RPRD1A: variants seen among roughly 807,000 people sequenced by gnomAD.
The protein encoded by RPRD1A is regulation of nuclear pre-mRNA domain-containing protein 1A.
In RPRD1A, 9 loss-of-function variants were observed where a neutral mutation model predicts 37.8. The ratio of observed to expected loss-of-function variants is 0.24; its 90% confidence interval spans 0.14 to 0.42. The LOEUF (loss-of-function observed/expected upper bound fraction) is 0.42. Ranked by LOEUF, RPRD1A falls within the 10% of genes least tolerant of loss-of-function variation. RPRD1A has a pLI of 1.00. For synonymous variants in RPRD1A, 138 were observed against 139.7 expected, an observed-to-expected ratio of 0.99 and a Z score of 0.08; for missense variants, 255 against 371.0, an observed-to-expected ratio of 0.69 and a Z score of 2.57.
Position 35,992,395 on chromosome 18 carries a change from C to T in RPRD1A, c.*756G>A, listed in dbSNP as rs1269925279. On this transcript the variant is annotated 3_prime_UTR_variant, in exon 7 of 7. Transcript: ENST00000399022. Reference sequence around the variant, plus strand: ...AAACCAGTTCCAGAACCAAAGTTGTCCTCTTGGTAGAATGTCAAAATGTAT... The same window carrying T: ...AAACCAGTTCCAGAACCAAAGTTGTTCTCTTGGTAGAATGTCAAAATGTAT... 6.6e-6 allele frequency: 1 copy of T among 152,120 alleles called. No homozygotes were observed. The highest frequency in any genetic ancestry group is 1.5e-5 in the Non-Finnish European group (1 of 68,014). 9.4% of individuals were successfully genotyped at this position (152,120 alleles called of 1,614,324 possible).
At chr18:36,042,145 C>G (rs1185652436) in intron 1 of RPRD1A, among the ~76,000 whole-genome samples, 1 of 152,160 alleles carries the variant, frequency 6.6e-6, no homozygotes, top group Non-Finnish European at 1.5e-5. Flanking sequence ...TCCAAGTTCC[C>G]CAACTCCTAC....
In RPRD1A at chr18:35,989,935, T is replaced by C. The variant is rs1908626935; in HGVS notation, c.*3216A>G. ...GGAAAGTTCATCTTCCCATGTGCTA[T>C]TGCCACCTCAGAACAGACTCCTGTG... On this transcript the variant is annotated 3_prime_UTR_variant, in exon 7 of 7. Transcript: ENST00000399022. The C allele has an allele frequency of 6.6e-6, 1 of 152,232 alleles. No individual in the cohort carries two copies. The highest frequency in any genetic ancestry group is 6.5e-5 in the Admixed American group (1 of 15,282). The allele number at this position is 152,232 out of a possible 1,614,324, so 9.4% of individuals were successfully genotyped here. A position where few individuals can be genotyped will look rare whatever the true frequency, so the allele number is the denominator to read the frequency against.
intron 6 of RPRD1A, among the ~76,000 whole-genome samples, chr18:36,015,698 C>T (rs1004603744): frequency 6.6e-6 from 1 of 152,134 alleles, no homozygotes; most frequent in Admixed American, 6.5e-5. Context: ...GGGCATTATG[C>T]TAAAGAAATA....
intron 1 of RPRD1A, among the ~76,000 whole-genome samples, chr18:36,050,523 C>T (rs1720584918): frequency 6.6e-6 from 1 of 150,658 alleles, no homozygotes; most frequent in South Asian, 2.1e-4. Context: ...CCAGAATATA[C>T]ATAAAAAAAA....
At chr18:36,040,638 T>C (rs1415096130) in intron 1 of RPRD1A, among the ~76,000 whole-genome samples, 1 of 152,126 alleles carries the variant, frequency 6.6e-6, no homozygotes, top group East Asian at 1.9e-4. Flanking sequence ...AATACTGCAA[T>C]AGGCAAGGAA....
chr18:36,066,486 T>G (rs1235905666), intron 1 of RPRD1A, among the ~76,000 whole-genome samples: 6 of 152,260 alleles, frequency 3.9e-5, no homozygotes, highest in Non-Finnish European at 1.5e-5. Flanking sequence ...ATTTTTTATT[T>G]TCAGTCGCAC....
chr18:36,037,702 G>A (rs931103944), intron 1 of RPRD1A, among the ~76,000 whole-genome samples: 17 of 152,322 alleles, frequency 1.1e-4, no homozygotes, highest in Admixed American at 1.0e-3. Flanking sequence ...GAACTCCCTA[G>A]AGACTTGTTG....
chr18:36,059,094 A>G (rs1168871787), intron 1 of RPRD1A, among the ~76,000 whole-genome samples: 1 of 152,228 alleles, frequency 6.6e-6, no homozygotes, highest in East Asian at 1.9e-4. Context: ...TACATCTATC[A>G]AAACATCAAA....
At chr18:36,065,874 C>CT (rs2089019747) in intron 1 of RPRD1A, among the ~76,000 whole-genome samples, 2 of 151,666 alleles carry the variant, frequency 1.3e-5, no homozygotes, top group Non-Finnish European at 2.9e-5. Context: ...ACAGTACTGC[C>CT]ATTTTTTTTT....
chr18:36,021,426 ATT>A (rs1248120510), intron 6 of RPRD1A, among the ~76,000 whole-genome samples: 1 of 152,176 alleles, frequency 6.6e-6, no homozygotes, highest in Non-Finnish European at 1.5e-5. Flanking sequence ...ATCCACACAC[ATT>A]GTGTTCTCAC....
At chr18:36,054,185 C>T (rs902494056) in intron 1 of RPRD1A, among the ~76,000 whole-genome samples, 10 of 89,078 alleles carry the variant, frequency 1.1e-4, no homozygotes, top group Non-Finnish European at 1.5e-4. Context: ...ATTGATTTAC[C>T]GATTAAATGC....
At chr18:35,997,008 T>G (rs867927499) in intron 6 of RPRD1A, among the ~76,000 whole-genome samples, 1 of 135,324 alleles carries the variant, frequency 7.4e-6, no homozygotes, top group African/African-American at 2.9e-5. Context: ...AAAAAAGAAC[T>G]ATCTGTAATT....
chr18:36,048,870 A>G (rs1040281432), intron 1 of RPRD1A, among the ~76,000 whole-genome samples: 2 of 152,246 alleles, frequency 1.3e-5, no homozygotes, highest in African/African-American at 4.8e-5. Flanking sequence ...GATTATCTGC[A>G]TAGCAAACCC....
chr18:36,008,569 T>TATATATATATATATATATATATATATA (rs1555670660), intron 6 of RPRD1A, among the ~76,000 whole-genome samples: 30 of 56,058 alleles, frequency 5.4e-4, no homozygotes, highest in African/African-American at 2.0e-3. Context: ...CAGCAAGACC[T>TATATATATATATATATATATATATATA]TGTGTGTGTA....
intron 6 of RPRD1A, among the ~76,000 whole-genome samples, chr18:35,996,492 C>T (rs1212503033): frequency 6.6e-6 from 1 of 152,078 alleles, no homozygotes; most frequent in African/African-American, 2.4e-5. Context: ...ATAAACTGCT[C>T]AAGGTTCATT....
At chr18:36,037,129 T>C (rs57443970) in intron 1 of RPRD1A, among the ~76,000 whole-genome samples, 4,534 of 152,228 alleles carry the variant, frequency 0.03, 219 homozygotes, top group African/African-American at 0.1. Context: ...TTTTTTTCCT[T>C]ATTTCTTCTC....
intron 6 of RPRD1A, among the ~76,000 whole-genome samples, chr18:36,015,394 G>C (rs1052016544): frequency 6.6e-5 from 10 of 151,952 alleles, no homozygotes; most frequent in African/African-American, 2.4e-4. Context: ...TGTATTTTTA[G>C]TAGAAGCAGG....
intron 6 of RPRD1A, among the ~76,000 whole-genome samples, chr18:36,003,063 A>G (rs949658016): frequency 6.6e-6 from 1 of 152,206 alleles, no homozygotes; most frequent in Non-Finnish European, 1.5e-5. Context: ...AGGTATTCAC[A>G]TAATTTATAT....
rs1305453085 is a variant in RPRD1A at position 36,033,568 on chromosome 18, T to C, written c.281+140A>G. The C allele has an allele frequency of 1.0e-5, 6 of 600,958 alleles. No individual in the cohort carries two copies. In the East Asian group the frequency reaches 1.2e-4, roughly 12 times the overall value. The allele number at this position is 600,958 out of a possible 1,614,324, so 37.2% of individuals were successfully genotyped here. ...ATTTAATACATTTATAAATGCCATG[T>C]AGAGGGAAGTCTTTTCAAATAAAAG... On this transcript the variant is annotated intron_variant, in intron 2 of 6. Coordinates refer to ENST00000399022, the MANE Select transcript of RPRD1A (RefSeq NM_018170.5).
Sources: allele counts gnomAD v4.1 joint callset (sites outside exome capture counted in the v4.1 genomes callset), GRCh38; gene constraint gnomAD v4.1.1; transcripts MANE v1.5; gene names NCBI Gene and HGNC (gene_info 2026-07-23, HGNC 2026-07-21).